Variants in GRID2 observed in about 807,000 individuals in gnomAD.
The protein encoded by GRID2 is glutamate receptor ionotropic, delta-2.
GRID2 carries 33 observed loss-of-function variants against 114.8 expected under a neutral mutation model. The observed-to-expected ratio is 0.29, with a 90% CI of 0.22 to 0.38. The LOEUF is 0.38. Among genes scored for constraint, GRID2 ranks in the 10% least tolerant of loss-of-function variants. The probability of loss-of-function intolerance (pLI) is 1.00; values close to 1 mark genes in which losing one functional copy is unlikely to be tolerated. For missense variants in GRID2, 1,184 were observed against 1,257.7 expected (o/e 0.94, Z 0.89); for synonymous variants, 505 against 449.9 (o/e 1.12, Z -1.55).
intron 2 of GRID2, among the ~76,000 whole-genome samples, chr4:92,718,973 G>A (rs561324119): frequency 8.4e-4 from 127 of 151,588 alleles, no homozygotes; most frequent in African/African-American, 2.9e-3. Context: ...GTTTCTTGAT[G>A]AAAATATCAA....
intron 2 of GRID2, among the ~76,000 whole-genome samples, chr4:92,717,876 C>G (rs778677692): frequency 1.4e-4 from 22 of 151,982 alleles, no homozygotes; most frequent in Admixed American, 2.6e-4. Flanking sequence ...GCAAAATATC[C>G]CAATGTTTCT....
chr4:92,448,764 T>C (rs1379144333), intron 1 of GRID2, among the ~76,000 whole-genome samples: 1 of 152,082 alleles, frequency 6.6e-6, no homozygotes, highest in Non-Finnish European at 1.5e-5. Context: ...ATGTAAGATA[T>C]ATTTGGGTAA....
At chr4:92,811,607 TC>T (rs1278225946) in intron 2 of GRID2, among the ~76,000 whole-genome samples, 2 of 152,064 alleles carry the variant, frequency 1.3e-5, no homozygotes, top group Non-Finnish European at 2.9e-5. Flanking sequence ...TCACTAGAGG[TC>T]CAGGATTGTA....
At chr4:93,614,641 T>C (rs969774997) in intron 13 of GRID2, among the ~76,000 whole-genome samples, 41 of 152,292 alleles carry the variant, frequency 2.7e-4, no homozygotes, top group Admixed American at 2.2e-3. Context: ...TAGTAACTGA[T>C]AGTAGTACTA....
intron 2 of GRID2, among the ~76,000 whole-genome samples, chr4:92,729,704 G>C (rs373353780): frequency 1.3e-5 from 2 of 151,966 alleles, no homozygotes; most frequent in Non-Finnish European, 2.9e-5. Context: ...GGGAAAAAAT[G>C]TAAGCTAGTT....
chr4:92,991,777 G>C (rs1487198032), intron 2 of GRID2, among the ~76,000 whole-genome samples: 2 of 152,206 alleles, frequency 1.3e-5, no homozygotes, highest in South Asian at 4.1e-4. Context: ...CTGCACCTGC[G>C]AGTAATTTAG....
chr4:92,403,703 A>G (rs865802894), intron 1 of GRID2, among the ~76,000 whole-genome samples: 9,928 of 135,018 alleles, frequency 0.074, 568 homozygotes, highest in African/African-American at 0.16. Context: ...AAAATAAATA[A>G]ATAAATAAAT....
At chr4:93,021,247 T>C (rs942401761) in intron 2 of GRID2, among the ~76,000 whole-genome samples, 4 of 151,640 alleles carry the variant, frequency 2.6e-5, no homozygotes, top group African/African-American at 9.7e-5. Context: ...TTATATACTC[T>C]TTGTAAGCAT....
At chr4:92,506,188 A>C (rs1375184704) in intron 1 of GRID2, among the ~76,000 whole-genome samples, 3 of 152,026 alleles carry the variant, frequency 2.0e-5, no homozygotes, top group Non-Finnish European at 4.4e-5. Context: ...AAAATATAGC[A>C]TGCAGTAAAA....
chr4:93,389,259 G>A (rs1764618962), intron 8 of GRID2, among the ~76,000 whole-genome samples: 1 of 151,934 alleles, frequency 6.6e-6, no homozygotes, highest in Non-Finnish European at 1.5e-5. Flanking sequence ...TAGAAGAGAA[G>A]AAAATCCAGC....
At chr4:92,789,307 A>T (rs1025576508) in intron 2 of GRID2, among the ~76,000 whole-genome samples, 3 of 151,766 alleles carry the variant, frequency 2.0e-5, no homozygotes, top group Non-Finnish European at 4.4e-5. Flanking sequence ...ATTCATGTTG[A>T]TTTACATACA....
At chr4:92,766,921 A>C (rs1354285654) in intron 2 of GRID2, among the ~76,000 whole-genome samples, 1 of 152,214 alleles carries the variant, frequency 6.6e-6, no homozygotes, top group Non-Finnish European at 1.5e-5. Flanking sequence ...AATTAGTAGA[A>C]GGGAACCCAG....
intron 4 of GRID2, among the ~76,000 whole-genome samples, chr4:93,170,676 G>A (rs1405930563): frequency 6.6e-6 from 1 of 152,144 alleles, no homozygotes; most frequent in Non-Finnish European, 1.5e-5. Flanking sequence ...CCAATTCCCA[G>A]AAAGAGGATC....
chr4:93,189,880 T>C (rs1475606285), intron 4 of GRID2, among the ~76,000 whole-genome samples: 2 of 151,758 alleles, frequency 1.3e-5, no homozygotes, highest in Non-Finnish European at 2.9e-5. Flanking sequence ...TCCAAAAGTG[T>C]GTATAAAAAA....
intron 4 of GRID2, among the ~76,000 whole-genome samples, chr4:93,113,720 G>C (rs1415613771): frequency 6.6e-6 from 1 of 152,180 alleles, no homozygotes; most frequent in Non-Finnish European, 1.5e-5. Context: ...AGCCATGTCT[G>C]GTTGTAGAGG....
At chr4:92,554,829 C>T (rs1029459003) in intron 1 of GRID2, among the ~76,000 whole-genome samples, 10 of 152,072 alleles carry the variant, frequency 6.6e-5, no homozygotes, top group South Asian at 2.1e-4. Context: ...CTAGCTCTAT[C>T]GTTATGTATT....
intron 1 of GRID2, among the ~76,000 whole-genome samples, chr4:92,447,273 A>G (rs963433464): frequency 3.9e-5 from 6 of 152,202 alleles, no homozygotes; most frequent in Middle Eastern, 3.2e-3. Context: ...AAACTAGTCC[A>G]ATGAAATAAA....
intron 2 of GRID2, among the ~76,000 whole-genome samples, chr4:92,852,168 G>T (rs192577899): frequency 1.4e-4 from 22 of 152,012 alleles, no homozygotes; most frequent in African/African-American, 4.8e-4. Context: ...GTGGAGGGGG[G>T]TGTATTTGTG....
At chr4:93,052,363 C>T (rs990754578) in intron 2 of GRID2, among the ~76,000 whole-genome samples, 1 of 151,832 alleles carries the variant, frequency 6.6e-6, no homozygotes. Flanking sequence ...GGGATATGTT[C>T]TGAGACGTGC....
Sources: allele counts gnomAD v4.1 joint callset (sites outside exome capture counted in the v4.1 genomes callset), GRCh38; gene constraint gnomAD v4.1.1; transcripts MANE v1.5; gene names NCBI Gene and HGNC (gene_info 2026-07-23, HGNC 2026-07-21).